UBAC2: variants seen among roughly 807,000 people sequenced by gnomAD.
The protein encoded by UBAC2 is ubiquitin-associated domain-containing protein 2.
A neutral mutation model predicts 44.0 loss-of-function variants in UBAC2; 26 were observed. The observed-to-expected ratio is 0.59, with a 90% confidence interval of 0.43 to 0.82. The LOEUF (loss-of-function observed/expected upper bound fraction) is 0.82, where lower values mean the gene tolerates loss of function less well. Ranked by LOEUF, UBAC2 falls within the 40% of genes least tolerant of loss-of-function variation. The pLI is 0.00. For missense variants in UBAC2, 329 were observed against 419.4 expected (o/e 0.78, Z 1.88); for synonymous variants, 155 against 154.3 (o/e 1.00, Z -0.04).
chr13:99,336,973 C>T (rs1013452400), intron 6 of UBAC2, among the ~76,000 whole-genome samples: 1 of 151,982 alleles, frequency 6.6e-6, no homozygotes, highest in Non-Finnish European at 1.5e-5. Flanking sequence ...TTCTTTCTCC[C>T]TCCCTTCTGT....
intron 4 of UBAC2, among the ~76,000 whole-genome samples, chr13:99,248,494 C>T (rs374773211): frequency 2.0e-5 from 3 of 151,534 alleles, no homozygotes; most frequent in Non-Finnish European, 2.9e-5. Context: ...CTGGTTCAAG[C>T]GATTCTTCTG....
intron 2 of UBAC2, 143 bp from the exon 3 acceptor site, chr13:99,243,689 A>G (rs1035557100): frequency 1.2e-5 from 8 of 694,800 alleles, no homozygotes; most frequent in African/African-American, 9.3e-5. Flanking sequence ...GAGAACATAC[A>G]TATATAGTTT....
chr13:99,252,733 G>A (rs573544385), intron 4 of UBAC2, among the ~76,000 whole-genome samples: 2 of 152,180 alleles, frequency 1.3e-5, no homozygotes, highest in African/African-American at 4.8e-5. Context: ...AATGTATTTG[G>A]TTATAATGCT....
intron 1 of UBAC2, among the ~76,000 whole-genome samples, chr13:99,206,175 G>A (rs777095729): frequency 6.6e-5 from 10 of 152,140 alleles, no homozygotes; most frequent in Non-Finnish European, 1.2e-4. Flanking sequence ...TGCAGAGTCC[G>A]GTCAGAGGTA....
chr13:99,307,499 A>G lies in UBAC2; in HGVS notation c.390-6598A>G, dbSNP rs559939276. On this transcript the variant is annotated intron_variant, in intron 4 of 8. Coordinates refer to ENST00000403766, the MANE Select transcript of UBAC2 (RefSeq NM_001144072.2). The stretch of plus-strand genomic sequence containing the variant: ...CTGTCACCCTGTGACTGAGCATGTA[A>G]TGAGCAGTTAGCCTCGTGTACGTGT... 4 of 151,470 alleles carry G rather than the reference A, an allele frequency of 2.6e-5. No individual in the cohort carries two copies. In the South Asian group the frequency reaches 8.3e-4, roughly 32 times the overall value. The allele number at this position is 151,470 out of a possible 1,614,324, so 9.4% of individuals were successfully genotyped here. A position where few individuals can be genotyped will look rare whatever the true frequency, so the allele number is the denominator to read the frequency against.
chr13:99,332,212 A>G (rs2044725574), intron 6 of UBAC2, among the ~76,000 whole-genome samples: 1 of 152,204 alleles, frequency 6.6e-6, no homozygotes, highest in African/African-American at 2.4e-5. Flanking sequence ...GTGTCATTGC[A>G]AAGTCATAGT....
At chr13:99,374,215 G>A (rs955455873) in intron 8 of UBAC2, among the ~76,000 whole-genome samples, 7 of 152,140 alleles carry the variant, frequency 4.6e-5, no homozygotes, top group Non-Finnish European at 1.0e-4. Context: ...AGTTACTTCA[G>A]GTTGCTTTTT....
chr13:99,341,677 A>C (rs1297300980), intron 7 of UBAC2, among the ~76,000 whole-genome samples: 1 of 152,198 alleles, frequency 6.6e-6, no homozygotes, highest in African/African-American at 2.4e-5. Context: ...AAGTTCTGTA[A>C]GAGAAGAGCT....
intron 4 of UBAC2, among the ~76,000 whole-genome samples, chr13:99,276,766 A>G (rs2043888854): frequency 6.6e-6 from 1 of 152,250 alleles, no homozygotes. Flanking sequence ...CCATTAGGGT[A>G]AATTCAGATG....
intron 4 of UBAC2, among the ~76,000 whole-genome samples, chr13:99,244,996 C>A (rs1283802920): frequency 6.6e-6 from 1 of 152,066 alleles, no homozygotes; most frequent in Non-Finnish European, 1.5e-5. Flanking sequence ...CCATGCCTGG[C>A]TAATTTTTGT....
intron 7 of UBAC2, among the ~76,000 whole-genome samples, chr13:99,348,053 G>A (rs1487404250): frequency 6.6e-6 from 1 of 152,094 alleles, no homozygotes; most frequent in East Asian, 1.9e-4. Context: ...AAAGCAGGTG[G>A]CATCTCAGAG....
chr13:99,331,407 G>A (rs1200809772), intron 6 of UBAC2, among the ~76,000 whole-genome samples: 2 of 152,188 alleles, frequency 1.3e-5, no homozygotes, highest in African/African-American at 4.8e-5. Context: ...CCTAGAGCAG[G>A]TTTCTAAGAC....
chr13:99,316,002 C>T (rs537550035), intron 5 of UBAC2, among the ~76,000 whole-genome samples: 2 of 151,530 alleles, frequency 1.3e-5, no homozygotes, highest in South Asian at 2.1e-4. Flanking sequence ...TATCTAGTGC[C>T]GTTTCCACAG....
At position 99,314,106 on chromosome 13, in the gene UBAC2, T is replaced by G; in HGVS notation, c.399T>G (p.Pro133=). 6.2e-7 allele frequency: 1 copy of G among 1,607,878 alleles called. No homozygotes were observed. Among genetic ancestry groups the G allele is most frequent in the Non-Finnish European group, 8.5e-7 (1 of 1,178,002 alleles). The change falls in exon 5 of 9, where the codon CCT becomes CCG. Residue 133 remains proline (P), a synonymous_variant. Coordinates refer to ENST00000403766, the MANE Select transcript of UBAC2 (RefSeq NM_001144072.2). The part of the protein sequence containing the change: ...ASNLPSGFLA[P]VFALFVPFYC... ...TTATTTGTTTGCATAGCCTGGCACC[T>G]GTGTTTGCTCTGTTTGTACCATTTT...
At chr13:99,297,798 C>A (rs1439140841) in intron 4 of UBAC2, among the ~76,000 whole-genome samples, 10 of 150,318 alleles carry the variant, frequency 6.7e-5, no homozygotes, top group South Asian at 2.1e-4. Flanking sequence ...CAGAGACTAT[C>A]GGTTTAGATT....
intron 7 of UBAC2, among the ~76,000 whole-genome samples, chr13:99,345,674 T>C (rs1375072253): frequency 6.6e-6 from 1 of 152,008 alleles, no homozygotes; most frequent in African/African-American, 2.4e-5. Context: ...AATATCCTAC[T>C]GCCTATAGTA....
intron 4 of UBAC2, among the ~76,000 whole-genome samples, chr13:99,249,426 T>G (rs2043430666): frequency 6.6e-6 from 1 of 152,258 alleles, no homozygotes. Flanking sequence ...CATATTTTCT[T>G]TATCCAGTCC....
At chr13:99,202,841 G>C (rs564797702) in intron 1 of UBAC2, among the ~76,000 whole-genome samples, 19 of 152,140 alleles carry the variant, frequency 1.2e-4, no homozygotes, top group Non-Finnish European at 2.8e-4. Context: ...TCCTCTGGGC[G>C]ATGAACTGGG....
chr13:99,202,608 A>C (rs991885093), intron 1 of UBAC2, among the ~76,000 whole-genome samples: 43 of 152,358 alleles, frequency 2.8e-4, no homozygotes, highest in African/African-American at 9.1e-4. Context: ...ATACAGGGCA[A>C]CTGTGGGGAA....
Sources: allele counts gnomAD v4.1 joint callset (sites outside exome capture counted in the v4.1 genomes callset), GRCh38; gene constraint gnomAD v4.1.1; transcripts MANE v1.5; gene names NCBI Gene and HGNC (gene_info 2026-07-23, HGNC 2026-07-21).